The following SOX5 variants were observed in gnomAD, a reference collection of about 807,000 sequenced individuals.
SOX5 encodes the protein SRY-box transcription factor 5.
In SOX5, 9 loss-of-function variants were observed where a neutral mutation model predicts 92.0. The ratio of observed to expected loss-of-function variants is 0.10; its 90% CI spans 0.06 to 0.17. The LOEUF (loss-of-function observed/expected upper bound fraction) is 0.17. Ranked by LOEUF, SOX5 falls within the 10% of genes least tolerant of loss-of-function variation. SOX5 has a pLI of 1.00. For missense variants in SOX5, 642 were observed against 944.5 expected, an observed-to-expected ratio of 0.68 and a Z score of 4.20; for synonymous variants, 344 against 336.3, an observed-to-expected ratio of 1.02 and a Z score of -0.25.
rs554007638 is a variant in SOX5 at position 23,847,672 on chromosome 12, G to GA, written c.271-1480dup. On this transcript the variant is annotated intron_variant, in intron 2 of 14. Coordinates refer to ENST00000451604, the MANE Select transcript of SOX5 (RefSeq NM_006940.6). ...TGTGGCTGAGGCATGTGGGGAAGGC[G>GA]AAAAAAAAAATGTGCACAACAGAAT... 2.4e-3 allele frequency among the ~76,000 whole-genome samples: 346 copies of GA among 145,626 alleles called. 1 individual carries two copies. Among genetic ancestry groups the GA allele is most frequent in the African/African-American group, 7.9e-3 (317 of 39,984 alleles).
chr12:23,800,438 A>AAT (rs2095639859), intron 3 of SOX5, among the ~76,000 whole-genome samples: 1 of 152,166 alleles, frequency 6.6e-6, no homozygotes, highest in Non-Finnish European at 1.5e-5. Context: ...GAACCAAAGG[A>AAT]ATGAACACAG....
At chr12:24,554,152 C>T (rs1335726680) in intron 1 of SOX5, among the ~76,000 whole-genome samples, 1 of 152,198 alleles carries the variant, frequency 6.6e-6, no homozygotes, top group Non-Finnish European at 1.5e-5. Flanking sequence ...CAGTCTACTC[C>T]TGATAGTATA....
chr12:24,132,704 A>G (rs1358484234), intron 4 of SOX5, among the ~76,000 whole-genome samples: 1 of 152,046 alleles, frequency 6.6e-6, no homozygotes, highest in Non-Finnish European at 1.5e-5. Flanking sequence ...TTTGAATTCT[A>G]GTTTTAAAAT....
rs1246388377 is a variant in SOX5 at position 24,078,551 on chromosome 12, T to A, written c.-2+134792A>T. On this transcript the variant is annotated intron_variant, in intron 4 of 4. Transcript: ENST00000446891. ...CATTGAAGGCTTTCAATCAGGAGGATGACATAACCAGATTTGCATTTTTAA... is the reference window on the plus strand; with the variant it reads ...CATTGAAGGCTTTCAATCAGGAGGAAGACATAACCAGATTTGCATTTTTAA... Among the ~76,000 whole-genome samples the A allele has an allele frequency of 3.3e-5, 5 of 152,040 alleles. No individual in the cohort carries two copies. The East Asian group carries it at 7.7e-4, about 23-fold the overall frequency.
intron 1 of SOX5, among the ~76,000 whole-genome samples, chr12:24,428,434 C>G (rs1465200988): frequency 1.3e-5 from 2 of 152,036 alleles, no homozygotes; most frequent in African/African-American, 2.4e-5. Context: ...CAAAGATCAA[C>G]TAGACTTGGA....
At chr12:24,324,414 T>C (rs1342382084) in intron 2 of SOX5, among the ~76,000 whole-genome samples, 4 of 152,150 alleles carry the variant, frequency 2.6e-5, no homozygotes, top group African/African-American at 7.2e-5. Flanking sequence ...CTGTCTCTTA[T>C]TCGATCTTGA....
chr12:24,002,805 T>A (rs1951741843), intron 4 of SOX5, among the ~76,000 whole-genome samples: 2 of 152,152 alleles, frequency 1.3e-5, no homozygotes, highest in South Asian at 4.1e-4. Flanking sequence ...AGACTAAGGA[T>A]CAATTAACAA....
intron 6 of SOX5, among the ~76,000 whole-genome samples, chr12:23,689,541 T>C (rs2088343784): frequency 1.3e-5 from 2 of 152,214 alleles, no homozygotes; most frequent in Non-Finnish European, 2.9e-5. Context: ...TCTGGAGTTC[T>C]GATCACCTCT....
Position 24,128,607 on chromosome 12 carries a change from A to T in SOX5, c.-2+84736T>A, listed in dbSNP as rs541426536. On this transcript the variant is annotated intron_variant, in intron 4 of 4. Coordinates refer to the SOX5 transcript ENST00000446891. ...GGGGGCGGTTCTACACAGTGGGAAC[A>T]GTGTATGCAAAGGCCCTGATTTGGG... 2.6e-5 allele frequency among the ~76,000 whole-genome samples: 4 copies of T among 152,330 alleles called. No homozygotes were observed. The South Asian group carries it at 8.3e-4, about 32-fold the overall frequency.
intron 1 of SOX5, among the ~76,000 whole-genome samples, chr12:24,520,807 G>A (rs953882134): frequency 1.7e-4 from 26 of 152,268 alleles, no homozygotes; most frequent in African/African-American, 4.1e-4. Context: ...AAGGAATTTC[G>A]TGCAAATGGC....
chr12:24,477,838 A>G (rs1945563931), intron 1 of SOX5, among the ~76,000 whole-genome samples: 1 of 151,970 alleles, frequency 6.6e-6, no homozygotes, highest in African/African-American at 2.4e-5. Flanking sequence ...AGTATTAATC[A>G]TTTAGATATA....
rs539471451 is a variant in SOX5, at chr12:24,241,323, G to T, written c.-76-27906C>A. 5.9e-5 allele frequency among the ~76,000 whole-genome samples: 9 copies of T among 152,274 alleles called. 1 individual carries two copies. The highest frequency in any genetic ancestry group is 2.2e-4 in the African/African-American group (9 of 41,568). On this transcript the variant is annotated intron_variant, in intron 3 of 4. Transcript: ENST00000446891. ...AGATTTTAAATACATGAGTGGCTCT[G>T]CCTGATTTCATTACAAAAGCCTCTT...
chr12:24,019,961 C>A (rs564201961), intron 4 of SOX5, among the ~76,000 whole-genome samples: 2 of 152,180 alleles, frequency 1.3e-5, no homozygotes, highest in Non-Finnish European at 2.9e-5. Flanking sequence ...TGGTTCCACA[C>A]TGTGTGCCAA....
chr12:23,737,834 G>T (rs1242632430), intron 5 of SOX5, among the ~76,000 whole-genome samples: 1 of 152,062 alleles, frequency 6.6e-6, no homozygotes, highest in Non-Finnish European at 1.5e-5. Context: ...CAGCCCCATG[G>T]CTCACTCCTA....
intron 4 of SOX5, among the ~76,000 whole-genome samples, chr12:24,140,675 C>A (rs1950506924): frequency 1.3e-5 from 2 of 152,038 alleles, no homozygotes; most frequent in Admixed American, 6.6e-5. Context: ...AAAATTCTCC[C>A]CCCTCAACAA....
At chr12:24,300,705 A>G (rs1009438697) in intron 2 of SOX5, among the ~76,000 whole-genome samples, 1 of 152,200 alleles carries the variant, frequency 6.6e-6, no homozygotes, top group African/African-American at 2.4e-5. Flanking sequence ...GAGTCTTAAA[A>G]ACAGTATATT....
At chr12:24,234,800 C>T (rs532393807) in intron 3 of SOX5, among the ~76,000 whole-genome samples, 6 of 152,110 alleles carry the variant, frequency 3.9e-5, no homozygotes, top group African/African-American at 1.2e-4. Flanking sequence ...CATTAGGGGT[C>T]GATTTTGCCC....
chr12:23,916,023 G>A (rs907221224), intron 1 of SOX5, among the ~76,000 whole-genome samples: 1 of 152,072 alleles, frequency 6.6e-6, no homozygotes, highest in African/African-American at 2.4e-5. Flanking sequence ...GCCATCTGAG[G>A]ACCATGAGGT....
chr12:23,577,418 T>G (rs1014025931), intron 9 of SOX5, among the ~76,000 whole-genome samples: 1 of 151,706 alleles, frequency 6.6e-6, no homozygotes, highest in Non-Finnish European at 1.5e-5. Flanking sequence ...CAGCTAGTCT[T>G]GAACTCCTGA....
Sources: gnomAD v4.1 joint callset for allele counts (sites outside exome capture counted in the v4.1 genomes callset) on GRCh38, gnomAD v4.1.1 for gene constraint, MANE v1.5 for transcripts, NCBI Gene and HGNC (gene_info 2026-07-23, HGNC 2026-07-21) for gene names.